The following PKHD1 variants were observed in gnomAD, a reference collection of about 807,000 sequenced individuals.
PKHD1 encodes the protein fibrocystin.
In PKHD1, 291 loss-of-function variants were observed where a neutral mutation model predicts 412.0. That is an observed-to-expected ratio of 0.71 (90% CI 0.64 to 0.78). PKHD1 has a LOEUF of 0.78. PKHD1 is among the 30% of genes least tolerant of loss of function. The probability of loss-of-function intolerance (pLI) is 0.00; values close to 1 mark genes in which losing one functional copy is unlikely to be tolerated. For synonymous variants in PKHD1, 1,777 were observed against 1,821.5 expected (o/e 0.98, Z 0.62); for missense variants, 4,825 against 4,950.7 (o/e 0.97, Z 0.76).
intron 43 of PKHD1, among the ~76,000 whole-genome samples, chr6:51,900,200 C>T (rs1039245748): frequency 3.9e-5 from 6 of 152,126 alleles, no homozygotes; most frequent in Admixed American, 6.6e-5. Context: ...AAAAAAAGAG[C>T]CCGCATCGCC....
chr6:51,884,471 T>A (rs898240983), intron 45 of PKHD1, among the ~76,000 whole-genome samples: 4 of 152,230 alleles, frequency 2.6e-5, no homozygotes, highest in African/African-American at 4.8e-5. Flanking sequence ...TCCTCTTACT[T>A]CATTCTTCTT....
intron 52 of PKHD1, among the ~76,000 whole-genome samples, chr6:51,825,090 C>T (rs1218647963): frequency 6.6e-6 from 1 of 152,212 alleles, no homozygotes; most frequent in East Asian, 1.9e-4. Flanking sequence ...ACAGGGAAGA[C>T]AGCACAAATT....
intron 60 of PKHD1, among the ~76,000 whole-genome samples, chr6:51,685,919 G>A (rs646945): frequency 0.97 from 147,354 of 152,202 alleles, 71,527 homozygotes; most frequent in East Asian, 1. Context: ...CTCCTATGCA[G>A]ACACTTTGCT....
At chr6:51,933,476 T>C (rs1786973069) in intron 37 of PKHD1, among the ~76,000 whole-genome samples, 1 of 152,206 alleles carries the variant, frequency 6.6e-6, no homozygotes, top group Non-Finnish European at 1.5e-5. Context: ...CTACTGCATG[T>C]TGAGAGACAT....
chr6:51,850,717 T>A (rs1372766232), intron 49 of PKHD1, among the ~76,000 whole-genome samples: 1 of 152,204 alleles, frequency 6.6e-6, no homozygotes, highest in African/African-American at 2.4e-5. Context: ...TGTAAAGGAA[T>A]GCTTGTGATT....
intron 65 of PKHD1, among the ~76,000 whole-genome samples, chr6:51,631,125 T>C (rs1383585937): frequency 6.6e-6 from 1 of 152,142 alleles, no homozygotes; most frequent in Admixed American, 6.6e-5. Flanking sequence ...GACCCCTGCA[T>C]GGCTACTAGG....
chr6:51,916,443 A>C (rs927014750), intron 37 of PKHD1, among the ~76,000 whole-genome samples: 2 of 152,122 alleles, frequency 1.3e-5, no homozygotes, highest in African/African-American at 4.8e-5. Flanking sequence ...ATGATTCTTC[A>C]AGGACAAGAT....
In PKHD1 at chr6:51,748,268, C is replaced by T. The variant is rs769921100; in HGVS notation, c.9348G>A (p.Leu3116=). 2 of 1,613,940 alleles carry T rather than the reference C, an allele frequency of 1.2e-6. No individual in the cohort carries two copies. The highest frequency in any genetic ancestry group is 1.3e-5 in the African/African-American group (1 of 74,910). ...AATGCGCCACATTGTCAGACCAAAG[C>T]AGTTCACAAGAGGAGCACTTGTGGC... is the stretch of plus-strand genomic sequence containing the variant. The part of the protein sequence containing the change: ...IRGHKCSSCE[L]LWSDNVAHSS... Residue 3116 remains leucine, a synonymous_variant, in exon 58 of 67, where the codon CTG becomes CTA. Transcript: ENST00000371117.
chr6:51,748,138 G>A lies in PKHD1; in HGVS notation c.9478C>T (p.His3160Tyr), dbSNP rs147351244. ...FKNFDYGAML[H>Y]VENSVEIENI... ...TCTATCTCCACGCTGTTCTCTACATGTAACATGGCACCATAGTCAAAGTTC... is the reference window on the plus strand; with the variant it reads ...TCTATCTCCACGCTGTTCTCTACATATAACATGGCACCATAGTCAAAGTTC... The change falls in exon 58 of 67, where the codon CAT (histidine) becomes TAT (tyrosine). Residue 3160 changes from histidine to tyrosine, a missense_variant. Coordinates refer to ENST00000371117, the MANE Select transcript of PKHD1 (RefSeq NM_138694.4). The A allele has an allele frequency of 1.9e-4, 310 of 1,613,888 alleles. 2 individuals are homozygous for A. The highest frequency in any genetic ancestry group is 6.7e-5 in the Admixed American group (4 of 59,990).
At chr6:51,836,011 G>C (rs1437432960) in intron 51 of PKHD1, among the ~76,000 whole-genome samples, 1 of 152,134 alleles carries the variant, frequency 6.6e-6, no homozygotes, top group Non-Finnish European at 1.5e-5. Context: ...CTTTTGAGGA[G>C]GGTTTGTTTA....
chr6:51,828,197 AAAAG>A (rs759142569), intron 52 of PKHD1, among the ~76,000 whole-genome samples: 5 of 152,054 alleles, frequency 3.3e-5, no homozygotes, highest in Non-Finnish European at 7.4e-5. Context: ...TTTTTTTGAA[AAAAG>A]AAAGATACAA....
At chr6:52,063,283 G>A (rs967192122) in intron 13 of PKHD1, among the ~76,000 whole-genome samples, 1 of 152,160 alleles carries the variant, frequency 6.6e-6, no homozygotes. Flanking sequence ...ATGCTAACTT[G>A]GGCTGAAGGC....
At chr6:52,004,296 G>T (rs1798792044) in intron 35 of PKHD1, among the ~76,000 whole-genome samples, 1 of 151,958 alleles carries the variant, frequency 6.6e-6, no homozygotes, top group South Asian at 2.1e-4. Flanking sequence ...GAAATTTTCA[G>T]TACAGATATT....
At chr6:51,886,381 C>T (rs1419644174) in intron 44 of PKHD1, among the ~76,000 whole-genome samples, 2 of 152,240 alleles carry the variant, frequency 1.3e-5, no homozygotes, top group South Asian at 2.1e-4. Flanking sequence ...AAAGCCAAGA[C>T]ATAGAGGCAG....
chr6:51,870,317 A>AGGGAGCTGCAGAAGCTGTACT (rs1775778281), intron 47 of PKHD1, among the ~76,000 whole-genome samples, 187 bp downstream of exon 47: 1 of 152,212 alleles, frequency 6.6e-6, no homozygotes, highest in African/African-American at 2.4e-5. Context: ...GGAGCAGGAC[A>AGGGAGCTGCAGAAGCTGTACT]GGGAGCTGCA....
intron 43 of PKHD1, among the ~76,000 whole-genome samples, chr6:51,898,159 C>T (rs1241195202): frequency 3.9e-5 from 6 of 152,126 alleles, no homozygotes; most frequent in East Asian, 1.9e-4. Flanking sequence ...CTGCACCAAG[C>T]GAACCTAATA....
chr6:52,072,976 T>C lies in PKHD1; in HGVS notation c.527+487A>G, dbSNP rs555423686. Among the ~76,000 whole-genome samples the C allele has an allele frequency of 1.1e-4, 17 of 152,336 alleles. No individual in the cohort carries two copies. In the East Asian group the frequency reaches 3.3e-3, roughly 29 times the overall value. Reference sequence around the variant, plus strand: ...ACCACGTCTCCAGTGAAGAAAGTCATGTTGACATCCTAATCATTCCCAGAA... The same window carrying C: ...ACCACGTCTCCAGTGAAGAAAGTCACGTTGACATCCTAATCATTCCCAGAA... On this transcript the variant is annotated intron_variant, in intron 7 of 66. Coordinates refer to ENST00000371117, the MANE Select transcript of PKHD1 (RefSeq NM_138694.4).
chr6:51,647,952 G>C lies in PKHD1; in HGVS notation c.11398+79C>G, dbSNP rs921986319. The C allele has an allele frequency of 1.7e-5, 15 of 874,150 alleles. No individual in the cohort carries two copies. The African/African-American group carries it at 2.1e-4, about 12-fold the overall frequency. 54.1% of individuals were successfully genotyped at this position (874,150 alleles called of 1,614,324 possible). On this transcript the variant is annotated intron_variant, in intron 63 of 66. Coordinates refer to ENST00000371117, the MANE Select transcript of PKHD1 (RefSeq NM_138694.4). ...AATTCAGTATTACCAATTTTGCTAT[G>C]AATTCCTAATGGCTGCAAACATTTT...
chr6:52,033,012 C>T lies in PKHD1; in HGVS notation c.3364+18G>A, dbSNP rs771206721. 6.2e-7 allele frequency: 1 copy of T among 1,601,400 alleles called. No homozygotes were observed. Among genetic ancestry groups the T allele is most frequent in the Non-Finnish European group, 8.6e-7 (1 of 1,168,862 alleles). The stretch of plus-strand genomic sequence containing the variant: ...ATGCTCTAAGAAGAAAAAGATCTTG[C>T]AGTATCACATATTTTACCTGCTATA... On this transcript the variant is annotated intron_variant, in intron 29 of 66. Transcript: ENST00000371117.
Sources: allele counts gnomAD v4.1 joint callset (sites outside exome capture counted in the v4.1 genomes callset), GRCh38; gene constraint gnomAD v4.1.1; transcripts MANE v1.5; gene names NCBI Gene and HGNC (gene_info 2026-07-23, HGNC 2026-07-21).